The following CUX1 variants were observed in gnomAD, a reference collection of about 807,000 sequenced individuals.
CUX1 encodes the protein protein CASP.
CUX1 carries 31 observed loss-of-function variants against 158.8 expected under a neutral mutation model. That is an observed-to-expected ratio of 0.20 (90% confidence interval 0.15 to 0.26). The LOEUF (loss-of-function observed/expected upper bound fraction) is 0.26, where lower values mean the gene tolerates loss of function less well. CUX1 is among the 10% of genes least tolerant of loss of function. The pLI, the probability that CUX1 is intolerant of heterozygous loss-of-function variation, is 1.00. For synonymous variants in CUX1, 879 were observed against 862.1 expected (o/e 1.02, Z -0.34); for missense variants, 1,589 against 2,014.6 (o/e 0.79, Z 4.04).
At chr7:101,832,397 A>C (rs894513666) in intron 1 of CUX1, among the ~76,000 whole-genome samples, 1 of 152,182 alleles carries the variant, frequency 6.6e-6, no homozygotes, top group Non-Finnish European at 1.5e-5. Context: ...TCCCCCACCG[A>C]CATGGCACAT....
Position 101,858,466 on chromosome 7 carries a change from C to A in CUX1, c.30+40797C>A, listed in dbSNP as rs911574012. Among the ~76,000 whole-genome samples the A allele has an allele frequency of 3.9e-5, 6 of 152,254 alleles. No homozygotes were observed. The South Asian group carries it at 8.3e-4, about 21-fold the overall frequency. ...GACTTTTTCTTCTTCAATGACTTAT[C>A]TGCACATGATCCCCTACTTATAAAA... On this transcript the variant is annotated intron_variant, in intron 1 of 23. Coordinates refer to ENST00000292535, the MANE Select transcript of CUX1 (RefSeq NM_181552.4).
chr7:102,030,689 G>GTGTTTTTTTTTGTTTTTTTTTGTTTTT (rs1554459457), intron 3 of CUX1, among the ~76,000 whole-genome samples: 1 of 82,540 alleles, frequency 1.2e-5, no homozygotes, highest in African/African-American at 5.3e-5. Flanking sequence ...ATTTTAAAAA[G>GTGTTTTTTTTTGTTTTTTTTTGTTTTT]TGTTTTTTTT....
intron 5 of CUX1, among the ~76,000 whole-genome samples, chr7:102,098,765 C>T (rs1047573918): frequency 2.6e-4 from 40 of 151,038 alleles, no homozygotes; most frequent in African/African-American, 8.3e-4. Flanking sequence ...CTCAGCCTCC[C>T]GAATAGCTGG....
chr7:101,946,826 G>A (rs896363896), intron 2 of CUX1, among the ~76,000 whole-genome samples: 12 of 152,184 alleles, frequency 7.9e-5, no homozygotes, highest in Non-Finnish European at 1.8e-4. Flanking sequence ...GCAGACTCCA[G>A]TATTGATGCT....
intron 2 of CUX1, among the ~76,000 whole-genome samples, chr7:101,957,987 C>G (rs995872411): frequency 6.6e-6 from 1 of 152,114 alleles, no homozygotes; most frequent in African/African-American, 2.4e-5. Flanking sequence ...TGTCCCTACC[C>G]GTGTAATGGG....
intron 9 of CUX1, among the ~76,000 whole-genome samples, chr7:102,162,483 C>T (rs1039288777): frequency 4.0e-5 from 6 of 151,432 alleles, no homozygotes; most frequent in Middle Eastern, 3.4e-3. Flanking sequence ...GCTGGGACTA[C>T]GGGCATATGG....
chr7:101,854,086 C>T (rs1482773478), intron 1 of CUX1, among the ~76,000 whole-genome samples: 1 of 152,192 alleles, frequency 6.6e-6, no homozygotes, highest in Non-Finnish European at 1.5e-5. Flanking sequence ...TTTGTTCTTG[C>T]TTTCCTGTCC....
chr7:102,276,022 A>G (rs193072574), intron 17 of CUX1, among the ~76,000 whole-genome samples: 4 of 151,748 alleles, frequency 2.6e-5, no homozygotes, highest in African/African-American at 9.7e-5. Context: ...AAAAAAAAAA[A>G]AAAATCCTTC....
chr7:102,130,131 G>A (rs1197830381), intron 8 of CUX1, among the ~76,000 whole-genome samples: 1 of 152,140 alleles, frequency 6.6e-6, no homozygotes, highest in Non-Finnish European at 1.5e-5. Flanking sequence ...ACAGTGGGGT[G>A]TCTCATATTT....
At chr7:102,041,256 CTTTTTTTTTTT>C (rs11427183) in intron 3 of CUX1, among the ~76,000 whole-genome samples, 2 of 69,892 alleles carry the variant, frequency 2.9e-5, no homozygotes, top group African/African-American at 5.2e-5. Flanking sequence ...CTTATCCATT[CTTTTTTTTTTT>C]TTTTTTTTTT....
At chr7:101,885,018 C>T (rs1354574412) in intron 1 of CUX1, among the ~76,000 whole-genome samples, 1 of 152,170 alleles carries the variant, frequency 6.6e-6, no homozygotes, top group Non-Finnish European at 1.5e-5. Flanking sequence ...TCCTCCCCTC[C>T]CTGCATGTCC....
rs201193189 is a variant in CUX1, at chr7:102,178,671, G to A, written c.1017+14G>A. 9.1e-5 allele frequency: 145 copies of A among 1,595,000 alleles called. No individual in the cohort carries two copies. In the African/African-American group the frequency reaches 1.1e-3, roughly 12 times the overall value. ...AGCACACTCAAAGTAAGGGGGCTGC[G>A]GGGCCCGGGGGTGGCCCGAGGAGGC... On this transcript the variant is annotated intron_variant, in intron 11 of 23. Transcript: ENST00000292535.
intron 3 of CUX1, 69 bp from the exon 4 acceptor site, chr7:102,070,270 C>A: frequency 1.5e-6 from 2 of 1,346,600 alleles, no homozygotes; most frequent in Non-Finnish European, 2.1e-6. Flanking sequence ...ATGTGTAATG[C>A]TTTGTAAATT....
chr7:101,934,427 G>T (rs1390645557), intron 2 of CUX1, among the ~76,000 whole-genome samples: 1 of 152,118 alleles, frequency 6.6e-6, no homozygotes, highest in African/African-American at 2.4e-5. Flanking sequence ...AATTTAGTTT[G>T]GATTCAAAGA....
intron 1 of CUX1, among the ~76,000 whole-genome samples, chr7:101,857,619 A>AG (rs1398879477): frequency 6.6e-6 from 1 of 152,238 alleles, no homozygotes; most frequent in East Asian, 1.9e-4. Flanking sequence ...TGAAGCAGGA[A>AG]GGGAAAGACG....
chr7:102,263,266 T>C (rs1044765353), intron 14 of CUX1, among the ~76,000 whole-genome samples: 35 of 149,702 alleles, frequency 2.3e-4, no homozygotes, highest in African/African-American at 8.6e-4. Flanking sequence ...CCACCCGCCT[T>C]GGCATCCCAA....
intron 12 of CUX1, among the ~76,000 whole-genome samples, chr7:102,191,165 G>T (rs899904402): frequency 6.6e-6 from 1 of 152,060 alleles, no homozygotes; most frequent in African/African-American, 2.4e-5. Context: ...AGCCTCTGCC[G>T]GCACCTCCTC....
At chr7:102,145,902 G>A (rs1002855608) in intron 8 of CUX1, among the ~76,000 whole-genome samples, 9 of 152,160 alleles carry the variant, frequency 5.9e-5, no homozygotes, top group Non-Finnish European at 1.2e-4. Flanking sequence ...AGTCGAGATC[G>A]TGCCATTGCA....
In CUX1 at chr7:102,252,721, C is replaced by G; in HGVS notation, c.*3679C>G. On this transcript the variant is annotated 3_prime_UTR_variant, in exon 24 of 24. Coordinates refer to ENST00000292535, the MANE Select transcript of CUX1 (RefSeq NM_181552.4). ...CTCACTTCCACCCCAGAGGAGTCTTCTGTCCTCCTCCCCAACCCCCGAGCT... is the reference window on the plus strand; with the variant it reads ...CTCACTTCCACCCCAGAGGAGTCTTGTGTCCTCCTCCCCAACCCCCGAGCT... The G allele has an allele frequency of 4.1e-6, 4 of 985,482 alleles. No homozygotes were observed. Among genetic ancestry groups the G allele is most frequent in the Non-Finnish European group, 4.8e-6 (4 of 829,978 alleles). The allele number at this position is 985,482 out of a possible 1,614,324, so 61.0% of individuals were successfully genotyped here. A position where few individuals can be genotyped will look rare whatever the true frequency, so the allele number is the denominator to read the frequency against.
Sources: allele counts gnomAD v4.1 joint callset (sites outside exome capture counted in the v4.1 genomes callset), GRCh38; gene constraint gnomAD v4.1.1; transcripts MANE v1.5; gene names NCBI Gene and HGNC (gene_info 2026-07-23, HGNC 2026-07-21).